The following EVC variants were observed in gnomAD, a reference collection of about 807,000 sequenced individuals.
EVC encodes the protein EvC ciliary complex subunit 1, also known as evC complex member EVC.
EVC carries 116 observed loss-of-function variants against 118.9 expected under a neutral mutation model. The observed-to-expected ratio is 0.98, with a 90% CI of 0.84 to 1.14. The LOEUF is 1.14. Among genes scored for constraint, EVC ranks in the 50% most tolerant of loss-of-function variants. EVC has a pLI of 0.00. For synonymous variants in EVC, 619 were observed against 534.7 expected (o/e 1.16, Z -2.18); for missense variants, 1,401 against 1,246.4 (o/e 1.12, Z -1.87).
In EVC at chr4:5,789,057, C is replaced by T. The variant is rs1163188789; in HGVS notation, c.1777-4551C>T. On this transcript the variant is annotated intron_variant, in intron 12 of 20. Coordinates refer to ENST00000264956, the MANE Select transcript of EVC (RefSeq NM_153717.3). This position sits in a 1 kb window ranked among gnomAD's most constrained non-coding sequence, Gnocchi z 4.3. Reference sequence around the variant, plus strand: ...GGATACATATTTAAAAATATTTTAACATCCCTGAAATCAAGATACACTTTA... The same window carrying T: ...GGATACATATTTAAAAATATTTTAATATCCCTGAAATCAAGATACACTTTA... 6.6e-6 allele frequency among the ~76,000 whole-genome samples: 1 copy of T among 152,188 alleles called. No individual in the cohort carries two copies. The highest frequency in any genetic ancestry group is 1.5e-5 in the Non-Finnish European group (1 of 68,036).
chr4:5,791,277 G>A (rs928312596), intron 12 of EVC, among the ~76,000 whole-genome samples: 1 of 152,122 alleles, frequency 6.6e-6, no homozygotes, highest in Non-Finnish European at 1.5e-5. Flanking sequence ...AAGAGACATG[G>A]AGAATAGGAT....
At position 5,752,924 on chromosome 4, in the gene EVC, G is replaced by C. The variant is rs542667023; in HGVS notation, c.1187G>C (p.Arg396Pro). The C allele has an allele frequency of 3.1e-6, 5 of 1,614,064 alleles. No homozygotes were observed. Among genetic ancestry groups the C allele is most frequent in the Non-Finnish European group, 4.2e-6 (5 of 1,180,042 alleles). Residue 396 changes from arginine (R) to proline (P), a missense_variant, in exon 9 of 21, where the codon CGG becomes CCG. Arg to Pro is a moderately radical substitution (Grantham distance 103). Transcript: ENST00000264956. ...CAAGTCCAGGAGGAGACCAGGTGCC[G>C]GCTGGCTGCCATCTCCCACGGCCTG... ...KLQVQEETRC[R>P]LAAISHGLEL... is the part of the protein sequence containing the mutation.
In EVC at chr4:5,738,557, GTAGCCATCAACAT is replaced by G. The variant is rs1369870778; in HGVS notation, c.703-3157_703-3145del. ...CAGCAACCACTACCCTCATAAGTCA[GTAGCCATCAACAT>G]TGAGACAAGACCCTCCACCAGCTAA... On this transcript the variant is annotated intron_variant, in intron 5 of 20. Coordinates refer to ENST00000264956, the MANE Select transcript of EVC (RefSeq NM_153717.3). The surrounding 1 kb of genome is among the most constrained non-coding windows in gnomAD (Gnocchi z 6.5). Among the ~76,000 whole-genome samples, 1 of 151,698 alleles carries G rather than the reference GTAGCCATCAACAT, an allele frequency of 6.6e-6. No homozygotes were observed. Among genetic ancestry groups the G allele is most frequent in the African/African-American group, 2.4e-5 (1 of 41,290 alleles).
chr4:5,821,743 C>G, the EVC span: 1 of 1,596,598 alleles, frequency 6.3e-7, no homozygotes, highest in East Asian at 2.3e-5. This position sits in a 1 kb window ranked among gnomAD's most constrained non-coding sequence, Gnocchi z 4.4. Context: ...CAGGCTAGCT[C>G]CTCCGCGCAT....
intron 5 of EVC, among the ~76,000 whole-genome samples, chr4:5,740,674 G>C (rs949262811): frequency 1.3e-5 from 2 of 152,018 alleles, no homozygotes; most frequent in Non-Finnish European, 2.9e-5. Context: ...GAGAGAAAAT[G>C]TTTGCAAAAC....
At position 5,756,911 on chromosome 4, in the gene EVC, C is replaced by G. The variant is rs1265585568; in HGVS notation, c.1563+549C>G. On this transcript the variant is annotated intron_variant, in intron 11 of 20. Coordinates refer to ENST00000264956, the MANE Select transcript of EVC (RefSeq NM_153717.3). The surrounding 1 kb of genome is among the most constrained non-coding windows in gnomAD (Gnocchi z 4.2). ...GATGCCATGCTGAGCCAGACAGAGC[C>G]CCTGCCTCAGGCAGCATCCTCAGTT... Among the ~76,000 whole-genome samples the G allele has an allele frequency of 6.6e-6, 1 of 152,108 alleles. No homozygotes were observed. The highest frequency in any genetic ancestry group is 1.5e-5 in the Non-Finnish European group (1 of 68,030).
the EVC span, chr4:5,824,934 C>G: frequency 8.1e-6 from 8 of 985,280 alleles, no homozygotes; most frequent in Middle Eastern, 5.2e-4. Context: ...TAATTTTGTT[C>G]CCACACATTT....
At chr4:5,791,866 C>A (rs1712851374) in intron 12 of EVC, among the ~76,000 whole-genome samples, 2 of 152,172 alleles carry the variant, frequency 1.3e-5, no homozygotes, top group African/African-American at 4.8e-5. Flanking sequence ...CCTGGCTGAG[C>A]CAAGCCTGGC....
chr4:5,747,103 G>T (rs1373562238), intron 7 of EVC, among the ~76,000 whole-genome samples: 3 of 152,058 alleles, frequency 2.0e-5, no homozygotes, highest in African/African-American at 7.2e-5. Context: ...GCATGTATGG[G>T]GTTTACTGGG....
the EVC span, among the ~76,000 whole-genome samples, chr4:5,819,794 A>G: frequency 2.0e-5 from 3 of 150,886 alleles, no homozygotes; most frequent in East Asian, 5.8e-4. Context: ...TTCCATCCAA[A>G]AATCCTTACC....
At chr4:5,748,092 G>T in intron 7 of EVC, 56 bp from the exon 8 acceptor site, 1 of 1,604,030 alleles carries the variant, frequency 6.2e-7, no homozygotes, top group Non-Finnish European at 8.5e-7. Context: ...CGCACCGTTT[G>T]GCTTTCTTAA....
rs867777535 is a variant in EVC at position 5,805,568 on chromosome 4, C to T, written c.2561+727C>T. Among the ~76,000 whole-genome samples, 14 of 152,288 alleles carry T rather than the reference C, an allele frequency of 9.2e-5. No individual in the cohort carries two copies. In the East Asian group the frequency reaches 1.2e-3, roughly 13 times the overall value. Reference sequence around the variant, plus strand: ...GCAGAAGCATCACTCGGCTTTCCTGCGAAACTTGCAGGTTCTGGGCCCACA... The same window carrying T: ...GCAGAAGCATCACTCGGCTTTCCTGTGAAACTTGCAGGTTCTGGGCCCACA... On this transcript the variant is annotated intron_variant, in intron 17 of 20. Coordinates refer to ENST00000264956, the MANE Select transcript of EVC (RefSeq NM_153717.3).
Position 5,743,410 on chromosome 4 carries a change from CATT to C in EVC, c.801+1597_801+1599del, listed in dbSNP as rs773403518. Among the ~76,000 whole-genome samples, 19 of 152,172 alleles carry C rather than the reference CATT, an allele frequency of 1.2e-4. No homozygotes were observed. The highest frequency in any genetic ancestry group is 9.6e-4 in the East Asian group (5 of 5,194). ...CTGCCATCATTTTCATTATCATCATCATTGTTATTGTCATCATTTTCATTACTG... is the reference window on the plus strand; with the variant it reads ...CTGCCATCATTTTCATTATCATCATCGTTATTGTCATCATTTTCATTACTG... On this transcript the variant is annotated intron_variant, in intron 6 of 20. Coordinates refer to ENST00000264956, the MANE Select transcript of EVC (RefSeq NM_153717.3). The surrounding 1 kb of genome is among the most constrained non-coding windows in gnomAD (Gnocchi z 4.7).
In EVC at chr4:5,803,047, C is replaced by G. The variant is rs79588614; in HGVS notation, c.2449+953C>G. ...GTGGTCCAGGGGGTGTTTGAGACCC[C>G]AAGAATTTTCCCGCATGGGCTCTTG... On this transcript the variant is annotated intron_variant, in intron 16 of 20. Coordinates refer to ENST00000264956, the MANE Select transcript of EVC (RefSeq NM_153717.3). Among the ~76,000 whole-genome samples the G allele has an allele frequency of 3.6e-3, 552 of 152,304 alleles. 3 individuals carry two copies. Among genetic ancestry groups the G allele is most frequent in the African/African-American group, 0.013 (525 of 41,552 alleles).
rs1196813764 is a variant in EVC, at chr4:5,811,156, T to G, written c.*119T>G. The G allele has an allele frequency of 5.1e-6, 4 of 781,956 alleles. No homozygotes were observed. The highest frequency in any genetic ancestry group is 1.5e-5 in the South Asian group (1 of 66,730). The allele number at this position is 781,956 out of a possible 1,614,324, so 48.4% of individuals were successfully genotyped here. On this transcript the variant is annotated 3_prime_UTR_variant, in exon 21 of 21. Coordinates refer to ENST00000264956, the MANE Select transcript of EVC (RefSeq NM_153717.3). Reference sequence around the variant, plus strand: ...AGAGGACAGCGGCATCTCTAGGCTCTTCTGAGAGGGACAGAGAAAGAATAG... The same window carrying G: ...AGAGGACAGCGGCATCTCTAGGCTCGTCTGAGAGGGACAGAGAAAGAATAG...
chr4:5,763,202 C>T (rs1411033507), intron 11 of EVC, among the ~76,000 whole-genome samples: 1 of 136,488 alleles, frequency 7.3e-6, no homozygotes, highest in Admixed American at 7.3e-5. Flanking sequence ...TGTCAAAGAT[C>T]AGATAGTTGT....
rs778335798 is a variant in EVC at position 5,749,341 on chromosome 4, G to GGAAAA, written c.1098+1035_1098+1036insGAAAA. Among the ~76,000 whole-genome samples the GGAAAA allele has an allele frequency of 4.1e-5, 5 of 121,864 alleles. 1 individual carries two copies. The highest frequency in any genetic ancestry group is 9.6e-5 in the African/African-American group (3 of 31,316). 79.9% of individuals were successfully genotyped at this position (121,864 alleles called of 152,430 possible). ...TAACACTAACGATAGCTGATGAGCG[G>GGAAAA]AAAAAAAAAAAAAAAAAAAGGTCCC... On this transcript the variant is annotated intron_variant, in intron 8 of 20. Transcript: ENST00000264956. This position sits in a 1 kb window ranked among gnomAD's most constrained non-coding sequence, Gnocchi z 4.4.
rs185773045 is a variant in EVC at position 5,731,369 on chromosome 4, A to G, written c.385-56A>G. 65 of 1,354,684 alleles carry G rather than the reference A, an allele frequency of 4.8e-5. No homozygotes were observed. The African/African-American group carries it at 6.4e-4, about 13-fold the overall frequency. The allele number at this position is 1,354,684 out of a possible 1,614,324, so 83.9% of individuals were successfully genotyped here. ...AATCACTGGTAGAATTATGAATACT[A>G]GATCAAATCCCAGAGGCATCACATG... On this transcript the variant is annotated intron_variant, in intron 3 of 20. Coordinates refer to ENST00000264956, the MANE Select transcript of EVC (RefSeq NM_153717.3). The surrounding 1 kb of genome is among the most constrained non-coding windows in gnomAD (Gnocchi z 5.6).
chr4:5,750,137 CA>C (rs551337297), intron 8 of EVC, among the ~76,000 whole-genome samples: 25 of 152,260 alleles, frequency 1.6e-4, no homozygotes, highest in Admixed American at 1.6e-3. Flanking sequence ...CTCAGTGATC[CA>C]CCTAAGATCC....
Sources: allele counts gnomAD v4.1 joint callset (sites outside exome capture counted in the v4.1 genomes callset), GRCh38; gene constraint gnomAD v4.1.1; non-coding constraint Gnocchi (gnomAD v3.1); transcripts MANE v1.5; gene names NCBI Gene and HGNC (gene_info 2026-07-23, HGNC 2026-07-21).